RNF217: variants seen among roughly 807,000 people sequenced by gnomAD.
RNF217 encodes E3 ubiquitin-protein ligase RNF217.
RNF217 carries 31 observed loss-of-function variants against 57.8 expected under a neutral mutation model. The observed-to-expected ratio is 0.54, with a 90% CI of 0.40 to 0.72. The LOEUF is 0.72. RNF217 is among the 30% of genes least tolerant of loss of function. The probability of loss-of-function intolerance (pLI) is 0.00; values close to 1 mark genes in which losing one functional copy is unlikely to be tolerated. For synonymous variants in RNF217, 313 were observed against 294.0 expected, an observed-to-expected ratio of 1.06 and a Z score of -0.66; for missense variants, 696 against 708.3, an observed-to-expected ratio of 0.98 and a Z score of 0.20.
At position 124,999,131 on chromosome 6, in the gene RNF217, G is replaced by A. The variant is rs76789863; in HGVS notation, c.882+35705G>A. Among the ~76,000 whole-genome samples the A allele has an allele frequency of 8.2e-3, 1,243 of 152,316 alleles. 14 individuals carry two copies. The highest frequency in any genetic ancestry group is 0.027 in the African/African-American group (1,143 of 41,582). Reference sequence around the variant, plus strand: ...AAGCATACTAGGAAAAACATACTGTGTATTATACTGAAGACAAACAAGGCC... The same window carrying A: ...AAGCATACTAGGAAAAACATACTGTATATTATACTGAAGACAAACAAGGCC... On this transcript the variant is annotated intron_variant, in intron 1 of 5. Coordinates refer to ENST00000521654, the MANE Select transcript of RNF217 (RefSeq NM_001286398.3).
At chr6:125,062,995 T>C (rs1314711237) in intron 3 of RNF217, among the ~76,000 whole-genome samples, 1 of 152,250 alleles carries the variant, frequency 6.6e-6, no homozygotes, top group Non-Finnish European at 1.5e-5. Context: ...TGAAATGTCT[T>C]CTTTAGTTAT....
At chr6:125,047,210 C>T (rs1449527113) in intron 2 of RNF217, among the ~76,000 whole-genome samples, 6 of 151,874 alleles carry the variant, frequency 4.0e-5, no homozygotes, top group Non-Finnish European at 8.8e-5. Flanking sequence ...TTTAAAATTG[C>T]AGTAATTAAA....
chr6:124,993,946 C>A (rs1468132258), intron 1 of RNF217, among the ~76,000 whole-genome samples: 1 of 152,018 alleles, frequency 6.6e-6, no homozygotes, highest in Non-Finnish European at 1.5e-5. Context: ...GGAATTGAGG[C>A]CTTTATTCTG....
intron 1 of RNF217, chr6:124,971,126 G>A (rs1331582525): frequency 2.6e-5 from 4 of 152,212 alleles, no homozygotes; most frequent in Admixed American, 6.5e-5. Context: ...TCAAAGCAAG[G>A]GAATGGCAAA....
Position 125,058,063 on chromosome 6 carries a change from T to C in RNF217, c.1238T>C (p.Ile413Thr). 4 of 1,613,388 alleles carry C rather than the reference T, an allele frequency of 2.5e-6. No individual in the cohort carries two copies. The highest frequency in any genetic ancestry group is 8.5e-7 in the Non-Finnish European group (1 of 1,179,660). The change falls in exon 3 of 6, where the codon ATT (isoleucine) becomes ACT (threonine). Residue 413 changes from isoleucine (I) to threonine (T), a missense_variant. By Grantham distance (89) the Ile-to-Thr change is moderately conservative (BLOSUM62 -1). Around this residue, in one of 2 missense-constraint regions of RNF217, gnomAD observed 231 missense variants for 321.4 expected, o/e 0.72. Transcript: ENST00000521654. ...DKLLRHWASE[I>T]EHGQRNAQKC... is the part of the protein sequence containing the mutation. ...TTGTTGCGTCACTGGGCCAGCGAAA[T>C]TGAGCATGGGCAGAGGAATGCCCAG... is the stretch of plus-strand genomic sequence containing the variant.
At chr6:124,968,907 A>C (rs1783654387) in intron 1 of RNF217, among the ~76,000 whole-genome samples, 1 of 152,252 alleles carries the variant, frequency 6.6e-6, no homozygotes, top group Non-Finnish European at 1.5e-5. Flanking sequence ...TTGTGCATTT[A>C]ACAAACATTT....
chr6:125,028,828 C>G (rs1296412473), intron 1 of RNF217, among the ~76,000 whole-genome samples: 1 of 151,746 alleles, frequency 6.6e-6, no homozygotes, highest in Non-Finnish European at 1.5e-5. Context: ...TTCCACTGGG[C>G]TTTTTTTACT....
intron 2 of RNF217, among the ~76,000 whole-genome samples, chr6:125,052,557 A>G (rs1477034168): frequency 1.3e-5 from 2 of 152,034 alleles, no homozygotes; most frequent in Non-Finnish European, 2.9e-5. Flanking sequence ...AATATCAGGG[A>G]GTAAGATTAA....
Position 125,005,038 on chromosome 6 carries a change from G to A in RNF217, c.883-40173G>A, listed in dbSNP as rs115501550. On this transcript the variant is annotated intron_variant, in intron 1 of 5. Coordinates refer to ENST00000521654, the MANE Select transcript of RNF217 (RefSeq NM_001286398.3). ...CCATGATAGAAGGGCAAGCCAGGGTGCCAGGCAGAAAGGGAAAGGGGGCAG... is the reference window on the plus strand; with the variant it reads ...CCATGATAGAAGGGCAAGCCAGGGTACCAGGCAGAAAGGGAAAGGGGGCAG... 2.1e-3 allele frequency among the ~76,000 whole-genome samples: 324 copies of A among 152,238 alleles called. 3 individuals carry two copies. The highest frequency in any genetic ancestry group is 7.4e-3 in the African/African-American group (307 of 41,546).
At chr6:125,026,022 T>G (rs1786067932) in intron 1 of RNF217, among the ~76,000 whole-genome samples, 1 of 152,176 alleles carries the variant, frequency 6.6e-6, no homozygotes, top group African/African-American at 2.4e-5. Context: ...AGGTTGCTGC[T>G]CAGTGATGAT....
At chr6:125,016,816 G>T (rs1275451026) in intron 1 of RNF217, among the ~76,000 whole-genome samples, 7 of 152,024 alleles carry the variant, frequency 4.6e-5, no homozygotes, top group Non-Finnish European at 5.9e-5. Context: ...AATAACATTA[G>T]GTAATACCTA....
chr6:124,991,593 G>C (rs1459318196), intron 1 of RNF217, among the ~76,000 whole-genome samples: 1 of 152,104 alleles, frequency 6.6e-6, no homozygotes, highest in Admixed American at 6.5e-5. Context: ...AATTTTGTTT[G>C]GTTTTGTTGA....
At chr6:124,988,150 C>T (rs66477833) in intron 1 of RNF217, among the ~76,000 whole-genome samples, 3,941 of 152,062 alleles carry the variant, frequency 0.026, 84 homozygotes, top group Admixed American at 0.046. Context: ...CTGGGTTGCA[C>T]GCTCCTTATG....
chr6:125,089,958 GTTTC>G lies in RNF217; in HGVS notation c.*7025_*7028del, dbSNP rs1788884775. ...TTTATAGAAAATTAGCATGCTTTAT[GTTTC>G]TTTATAATGAAAAGTCTAGATAAAG... On this transcript the variant is annotated 3_prime_UTR_variant, in exon 6 of 6. Coordinates refer to ENST00000521654, the MANE Select transcript of RNF217 (RefSeq NM_001286398.3). 1 of 151,710 alleles carries G rather than the reference GTTTC, an allele frequency of 6.6e-6. No individual in the cohort carries two copies. Among genetic ancestry groups the G allele is most frequent in the African/African-American group, 2.4e-5 (1 of 41,276 alleles). The allele number at this position is 151,710 out of a possible 1,614,324, so 9.4% of individuals were successfully genotyped here.
intron 1 of RNF217, among the ~76,000 whole-genome samples, chr6:124,969,790 T>C (rs1783693181): frequency 6.6e-6 from 1 of 152,008 alleles, no homozygotes; most frequent in African/African-American, 2.4e-5. Flanking sequence ...TATTAGAAGA[T>C]AATAAGGGCA....
intron 1 of RNF217, among the ~76,000 whole-genome samples, chr6:124,983,747 C>G (rs1784261914): frequency 6.6e-6 from 1 of 152,030 alleles, no homozygotes; most frequent in African/African-American, 2.4e-5. Flanking sequence ...TAATCTTTGC[C>G]CTGTAATAAC....
In RNF217 at chr6:125,087,311, T is replaced by C. The variant is rs1414223814; in HGVS notation, c.*4374T>C. On this transcript the variant is annotated 3_prime_UTR_variant, in exon 6 of 6. Transcript: ENST00000521654. ...GAAAATGTATGCCAAAAAACGTTTT[T>C]AGATTTTAATTTTATAAGCAACCTG... is the stretch of plus-strand genomic sequence containing the variant. 3 of 152,164 alleles carry C rather than the reference T, an allele frequency of 2.0e-5. No individual in the cohort carries two copies. Among genetic ancestry groups the C allele is most frequent in the Non-Finnish European group, 2.9e-5 (2 of 68,020 alleles). 9.4% of individuals were successfully genotyped at this position (152,164 alleles called of 1,614,324 possible).
chr6:125,021,330 G>A (rs1430283450), intron 1 of RNF217, among the ~76,000 whole-genome samples: 3 of 149,712 alleles, frequency 2.0e-5, no homozygotes, highest in East Asian at 2.0e-4. Flanking sequence ...GCAATGGCGC[G>A]ATCTTGGCTC....
intron 1 of RNF217, among the ~76,000 whole-genome samples, chr6:124,972,588 C>T (rs75632851): frequency 0.021 from 3,136 of 152,284 alleles, 50 homozygotes; most frequent in Non-Finnish European, 0.033. Context: ...TCCCACTACA[C>T]CTATAGAGAT....
Sources: gnomAD v4.1 joint callset for allele counts (sites outside exome capture counted in the v4.1 genomes callset) on GRCh38, gnomAD v4.1.1 for gene constraint, gnomAD v4.1.1 regional missense constraint, MANE v1.5 for transcripts, NCBI Gene and HGNC (gene_info 2026-07-23, HGNC 2026-07-21) for gene names.